The following STK32B variants were observed in gnomAD, a reference collection of about 807,000 sequenced individuals.
STK32B encodes the protein serine/threonine kinase 32B.
Under a neutral mutation model 52.6 loss-of-function variants are expected in STK32B, and 43 were observed. The observed-to-expected ratio is 0.82, with a 90% CI of 0.64 to 1.05. The LOEUF (loss-of-function observed/expected upper bound fraction) is 1.05. Among genes scored for constraint, STK32B ranks in the 50% least tolerant of loss-of-function variants. The probability of loss-of-function intolerance (pLI) is 0.00; values close to 1 mark genes in which losing one functional copy is unlikely to be tolerated. For synonymous variants in STK32B, 238 were observed against 204.3 expected, an observed-to-expected ratio of 1.17 and a Z score of -1.41; for missense variants, 621 against 534.6, an observed-to-expected ratio of 1.16 and a Z score of -1.59.
At chr4:5,105,985 T>C (rs556784381) in intron 1 of STK32B, among the ~76,000 whole-genome samples, 1 of 152,210 alleles carries the variant, frequency 6.6e-6, no homozygotes, top group African/African-American at 2.4e-5. Context: ...TCATTGCCCA[T>C]AATGTTGAGT....
chr4:5,375,073 G>C (rs1385715999), intron 4 of STK32B, among the ~76,000 whole-genome samples: 1 of 152,124 alleles, frequency 6.6e-6, no homozygotes, highest in African/African-American at 2.4e-5. Context: ...AGGTCAATGT[G>C]AGCGCCTGTA....
At chr4:5,258,750 C>T (rs1726504623) in intron 3 of STK32B, among the ~76,000 whole-genome samples, 2 of 152,188 alleles carry the variant, frequency 1.3e-5, no homozygotes, top group South Asian at 4.1e-4. Flanking sequence ...GCCTGGTTAC[C>T]CCAATTGTCC....
chr4:5,112,983 A>T (rs1398264775), intron 1 of STK32B, among the ~76,000 whole-genome samples: 1 of 152,184 alleles, frequency 6.6e-6, no homozygotes, highest in Non-Finnish European at 1.5e-5. Context: ...TTCTTAAGGG[A>T]AGAGACTGAC....
intron 8 of STK32B, among the ~76,000 whole-genome samples, chr4:5,459,177 GACT>G (rs1455971426): frequency 6.6e-6 from 1 of 152,166 alleles, no homozygotes; most frequent in Non-Finnish European, 1.5e-5. Flanking sequence ...TGTGGGCTGT[GACT>G]GCAGCCACTC....
At chr4:5,348,881 G>A (rs774191714) in intron 4 of STK32B, among the ~76,000 whole-genome samples, 3 of 152,108 alleles carry the variant, frequency 2.0e-5, no homozygotes, top group Non-Finnish European at 2.9e-5. Flanking sequence ...ACCACTGATG[G>A]CACCTTAACA....
chr4:5,040,710 T>C, the STK32B span, among the ~76,000 whole-genome samples: 2,815 of 152,214 alleles, frequency 0.018, 95 homozygotes, highest in African/African-American at 0.064. Flanking sequence ...TTTTAAGGCC[T>C]GTCTCCTGCC....
chr4:5,127,776 C>A (rs1195365324), intron 1 of STK32B, among the ~76,000 whole-genome samples: 1 of 152,164 alleles, frequency 6.6e-6, no homozygotes, highest in African/African-American at 2.4e-5. Context: ...CAAATCGCAT[C>A]TTGAATTATA....
At chr4:5,125,380 T>G (rs1383114945) in intron 1 of STK32B, among the ~76,000 whole-genome samples, 1 of 152,222 alleles carries the variant, frequency 6.6e-6, no homozygotes, top group African/African-American at 2.4e-5. Flanking sequence ...GGCCTCGGGC[T>G]AGGAACTGAG....
chr4:5,192,254 G>T (rs1474311049), intron 3 of STK32B, among the ~76,000 whole-genome samples: 1 of 152,192 alleles, frequency 6.6e-6, no homozygotes, highest in Non-Finnish European at 1.5e-5. Flanking sequence ...CATTCCTCGT[G>T]TTATTGAATT....
intron 2 of STK32B, among the ~76,000 whole-genome samples, chr4:5,165,808 C>T (rs1200806195): frequency 1.3e-5 from 2 of 152,166 alleles, no homozygotes; most frequent in African/African-American, 4.8e-5. Context: ...GTTCTGTGGG[C>T]CTTCGACCTC....
rs569912353 is a variant in STK32B at position 5,059,640 on chromosome 4, A to C, written c.52+7725A>C. ...ACTTTTTAATAAGAAGATGTTATAAACCGTACGCCAATACATTCGAAGTGG... is the reference window on the plus strand; with the variant it reads ...ACTTTTTAATAAGAAGATGTTATAACCCGTACGCCAATACATTCGAAGTGG... On this transcript the variant is annotated intron_variant, in intron 1 of 11. Coordinates refer to ENST00000282908, the MANE Select transcript of STK32B (RefSeq NM_018401.3). Among the ~76,000 whole-genome samples, 13 of 152,306 alleles carry C rather than the reference A, an allele frequency of 8.5e-5. No homozygotes were observed. The East Asian group carries it at 2.5e-3, about 29-fold the overall frequency.
intron 3 of STK32B, among the ~76,000 whole-genome samples, chr4:5,275,968 G>T (rs541739538): frequency 1.3e-5 from 2 of 152,234 alleles, no homozygotes; most frequent in African/African-American, 2.4e-5. Flanking sequence ...CAAAGAACAA[G>T]ATAAGAGCAC....
chr4:5,025,733 T>C, the STK32B span, among the ~76,000 whole-genome samples: 1 of 152,224 alleles, frequency 6.6e-6, no homozygotes, highest in African/African-American at 2.4e-5. Context: ...CTCAAATCCT[T>C]GTCTCAGAGT....
rs73095707 is a variant in STK32B at position 5,412,599 on chromosome 4, A to G, written c.473-4246A>G. ...GGGAAAGCTCCACTCTGGCTTCTGC[A>G]TATATCAGCCTTGAGACCTTGGCCC... On this transcript the variant is annotated intron_variant, in intron 5 of 11. Coordinates refer to ENST00000282908, the MANE Select transcript of STK32B (RefSeq NM_018401.3). Among the ~76,000 whole-genome samples, 1,445 of 152,294 alleles carry G rather than the reference A, an allele frequency of 9.5e-3. 20 individuals are homozygous for G. Among genetic ancestry groups the G allele is most frequent in the African/African-American group, 0.033 (1,367 of 41,544 alleles).
chr4:5,397,913 G>T (rs1447934239), intron 4 of STK32B, among the ~76,000 whole-genome samples: 1 of 152,246 alleles, frequency 6.6e-6, no homozygotes, highest in Non-Finnish European at 1.5e-5. Flanking sequence ...CACATGCTTA[G>T]TGAGCAGTCA....
At chr4:5,221,795 G>T (rs952957075) in intron 3 of STK32B, among the ~76,000 whole-genome samples, 2 of 144,562 alleles carry the variant, frequency 1.4e-5, no homozygotes, top group African/African-American at 5.2e-5. Context: ...GACAGAGGTT[G>T]CAGTGAGCCA....
At chr4:5,365,539 A>T (rs1208482462) in intron 4 of STK32B, among the ~76,000 whole-genome samples, 2 of 152,238 alleles carry the variant, frequency 1.3e-5, no homozygotes, top group African/African-American at 4.8e-5. Flanking sequence ...CTGCATTCTT[A>T]AAAAGCTGCA....
chr4:5,022,283 A>G, the STK32B span, among the ~76,000 whole-genome samples: 1 of 152,190 alleles, frequency 6.6e-6, no homozygotes, highest in African/African-American at 2.4e-5. Flanking sequence ...GCGGATGACC[A>G]GTAAGGTGTG....
At chr4:5,463,672 C>T (rs1717210867) in intron 9 of STK32B, among the ~76,000 whole-genome samples, 1 of 152,136 alleles carries the variant, frequency 6.6e-6, no homozygotes, top group Admixed American at 6.5e-5. Context: ...CAAGCAAGCC[C>T]CCTACCACAT....
Sources: gnomAD v4.1 joint callset for allele counts (sites outside exome capture counted in the v4.1 genomes callset) on GRCh38, gnomAD v4.1.1 for gene constraint, MANE v1.5 for transcripts, NCBI Gene and HGNC (gene_info 2026-07-23, HGNC 2026-07-21) for gene names.